KCNJ6: variants seen among roughly 807,000 people sequenced by gnomAD.
KCNJ6 encodes the protein G protein-activated inward rectifier potassium channel 2.
Under a neutral mutation model 34.2 loss-of-function variants are expected in KCNJ6, and 9 were observed. The observed-to-expected ratio is 0.26, with a 90% confidence interval of 0.16 to 0.46. The LOEUF is 0.46. Ranked by LOEUF, KCNJ6 falls within the 20% of genes least tolerant of loss-of-function variation. The pLI is 1.00. For missense variants in KCNJ6, 236 were observed against 531.3 expected (o/e 0.44, Z 5.46); for synonymous variants, 196 against 207.1 (o/e 0.95, Z 0.46).
chr21:37,613,269 T>C lies in KCNJ6; in HGVS notation c.*11890A>G, dbSNP rs1783019316. 1 of 152,162 alleles carries C rather than the reference T, an allele frequency of 6.6e-6. No homozygotes were observed. The highest frequency in any genetic ancestry group is 2.4e-5 in the African/African-American group (1 of 41,444). The allele number at this position is 152,162 out of a possible 1,614,324, so 9.4% of individuals were successfully genotyped here. The stretch of plus-strand genomic sequence containing the variant: ...CGTACATCTTTTAGAATGGCCCAAA[T>C]GCAGATCATTGACAACACTAAATGC... On this transcript the variant is annotated 3_prime_UTR_variant, in exon 4 of 4. Coordinates refer to ENST00000609713, the MANE Select transcript of KCNJ6 (RefSeq NM_002240.5).
At chr21:37,698,412 C>T (rs1200844912) in intron 3 of KCNJ6, among the ~76,000 whole-genome samples, 1 of 152,178 alleles carries the variant, frequency 6.6e-6, no homozygotes, top group East Asian at 1.9e-4. Flanking sequence ...GGGAGGGGGG[C>T]TCATGGTCTT....
chr21:37,847,705 G>A lies in KCNJ6; in HGVS notation c.-27-6996C>T, dbSNP rs763010449. On this transcript the variant is annotated intron_variant, in intron 1 of 3. Transcript: ENST00000609713. ...CACCAGAAGGGTTCTACAGGACATCGATAGAAAGAGGAACAGAGGGAGCAA... is the reference window on the plus strand; with the variant it reads ...CACCAGAAGGGTTCTACAGGACATCAATAGAAAGAGGAACAGAGGGAGCAA... 4.7e-5 allele frequency among the ~76,000 whole-genome samples: 7 copies of A among 150,344 alleles called. No individual in the cohort carries two copies. The South Asian group carries it at 1.3e-3, about 27-fold the overall frequency.
intron 2 of KCNJ6, among the ~76,000 whole-genome samples, chr21:37,742,864 T>C (rs2054948047): frequency 6.6e-6 from 1 of 152,240 alleles, no homozygotes; most frequent in Admixed American, 6.5e-5. Flanking sequence ...ATGTGTCCTC[T>C]TCTTCCAAAC....
rs16995496 is a variant in KCNJ6, at chr21:37,785,079, C to T, written c.25+55579G>A. On this transcript the variant is annotated intron_variant, in intron 2 of 3. Coordinates refer to ENST00000609713, the MANE Select transcript of KCNJ6 (RefSeq NM_002240.5). ...GGGACCTCAGGTCACTGCAGAGCCT[C>T]GGGAGCTGCACAACAGCTGACAGGA... is the stretch of plus-strand genomic sequence containing the variant. Among the ~76,000 whole-genome samples the T allele has an allele frequency of 2.2e-3, 335 of 152,228 alleles. 3 individuals carry two copies. Among genetic ancestry groups the T allele is most frequent in the African/African-American group, 7.7e-3 (320 of 41,506 alleles).
At chr21:37,639,939 C>T (rs1001544324) in intron 3 of KCNJ6, among the ~76,000 whole-genome samples, 8 of 152,178 alleles carry the variant, frequency 5.3e-5, no homozygotes, top group Non-Finnish European at 8.8e-5. Flanking sequence ...TGGGGCTTCC[C>T]CAGAATCTGA....
chr21:37,791,709 G>A (rs1256166461), intron 2 of KCNJ6, among the ~76,000 whole-genome samples: 1 of 152,172 alleles, frequency 6.6e-6, no homozygotes, highest in East Asian at 1.9e-4. Flanking sequence ...GGTGGCAGGT[G>A]AATAAAATAT....
At chr21:37,904,432 T>C (rs915600324) in intron 1 of KCNJ6, among the ~76,000 whole-genome samples, 3 of 152,192 alleles carry the variant, frequency 2.0e-5, no homozygotes, top group Non-Finnish European at 4.4e-5. Flanking sequence ...TAAAATTCAT[T>C]GACAGCAAAG....
At position 37,841,656 on chromosome 21, in the gene KCNJ6, A is replaced by G. The variant is rs17815147; in HGVS notation, c.-27-947T>C. Among the ~76,000 whole-genome samples, 942 of 152,354 alleles carry G rather than the reference A, an allele frequency of 6.2e-3. 5 individuals carry two copies. Among genetic ancestry groups the G allele is most frequent in the Middle Eastern group, 0.014 (4 of 294 alleles). The stretch of plus-strand genomic sequence containing the variant: ...GGAATATGATCCTATCTTCATAGAG[A>G]TAAATATGTCATATACACATTTTGT... On this transcript the variant is annotated intron_variant, in intron 1 of 3. Transcript: ENST00000609713.
At chr21:37,782,678 C>T (rs1244582920) in intron 2 of KCNJ6, among the ~76,000 whole-genome samples, 1 of 152,166 alleles carries the variant, frequency 6.6e-6, no homozygotes, top group African/African-American at 2.4e-5. Flanking sequence ...CTAACTTTAT[C>T]AAGGAAGAAG....
chr21:37,811,895 C>A (rs1011589012), intron 2 of KCNJ6, among the ~76,000 whole-genome samples: 1 of 152,122 alleles, frequency 6.6e-6, no homozygotes, highest in African/African-American at 2.4e-5. Context: ...ACATGGGAAA[C>A]ACACCAGAAG....
chr21:37,709,091 T>C (rs2054736183), intron 3 of KCNJ6, among the ~76,000 whole-genome samples: 1 of 152,226 alleles, frequency 6.6e-6, no homozygotes, highest in Non-Finnish European at 1.5e-5. Flanking sequence ...AAAATTCATG[T>C]CAATGTCTAC....
chr21:37,629,454 A>T lies in KCNJ6; in HGVS notation c.947-3970T>A, dbSNP rs1249537115. 2.0e-5 allele frequency among the ~76,000 whole-genome samples: 3 copies of T among 152,266 alleles called. No individual in the cohort carries two copies. In the East Asian group the frequency reaches 5.8e-4, roughly 29 times the overall value. On this transcript the variant is annotated intron_variant, in intron 3 of 3. Coordinates refer to ENST00000609713, the MANE Select transcript of KCNJ6 (RefSeq NM_002240.5). ...CTAATCTCCGGTATTTCAGAATGTG[A>T]CATGTTTGAGATGGGATCTTTAAAG... is the stretch of plus-strand genomic sequence containing the variant.
intron 3 of KCNJ6, among the ~76,000 whole-genome samples, chr21:37,629,857 G>C (rs1254804604): frequency 6.6e-6 from 1 of 152,162 alleles, no homozygotes; most frequent in African/African-American, 2.4e-5. Context: ...TTAAGTAAAT[G>C]CTCATGGATG....
chr21:37,842,544 T>C (rs968453808), intron 1 of KCNJ6, among the ~76,000 whole-genome samples: 4 of 152,202 alleles, frequency 2.6e-5, no homozygotes, highest in South Asian at 2.1e-4. Flanking sequence ...AACTAATAAT[T>C]GCCCTTGAGA....
At chr21:37,639,691 A>G (rs925699360) in intron 3 of KCNJ6, among the ~76,000 whole-genome samples, 11 of 152,158 alleles carry the variant, frequency 7.2e-5, no homozygotes, top group Admixed American at 5.9e-4. Context: ...GATCCTTGAT[A>G]TGGTTTGGAT....
rs1295051022 is a variant in KCNJ6 at position 37,859,518 on chromosome 21, TATATATATATATAA to T, written c.-27-18823_-27-18810del. Among the ~76,000 whole-genome samples the T allele has an allele frequency of 3.2e-3, 187 of 58,684 alleles. 12 individuals are homozygous for T. The highest frequency in any genetic ancestry group is 6.5e-3 in the African/African-American group (109 of 16,840). 38.5% of individuals were successfully genotyped at this position (58,684 alleles called of 152,430 possible). ...ATATATATATATATATATATATATATATATATATATATAAAATACTTAAAAAGCTCTACAGATGA... is the reference window on the plus strand; with the variant it reads ...ATATATATATATATATATATATATATAATACTTAAAAAGCTCTACAGATGA... On this transcript the variant is annotated intron_variant, in intron 1 of 3. Coordinates refer to ENST00000609713, the MANE Select transcript of KCNJ6 (RefSeq NM_002240.5).
chr21:37,667,679 G>A (rs1366692307), intron 3 of KCNJ6, among the ~76,000 whole-genome samples: 3 of 151,814 alleles, frequency 2.0e-5, no homozygotes, highest in African/African-American at 7.3e-5. Flanking sequence ...CCGGGGTAGC[G>A]GGCTCCGGGG....
chr21:37,798,857 C>T (rs1031087302), intron 2 of KCNJ6, among the ~76,000 whole-genome samples: 3 of 152,190 alleles, frequency 2.0e-5, no homozygotes, highest in South Asian at 2.1e-4. Flanking sequence ...TTTGAATACA[C>T]CTAAACCACT....
chr21:37,809,088 C>T (rs1402644213), intron 2 of KCNJ6, among the ~76,000 whole-genome samples: 3 of 152,126 alleles, frequency 2.0e-5, no homozygotes, highest in Admixed American at 6.6e-5. Context: ...ATGTTTATTG[C>T]GGCACTATTC....
Sources: allele counts gnomAD v4.1 joint callset (sites outside exome capture counted in the v4.1 genomes callset), GRCh38; gene constraint gnomAD v4.1.1; transcripts MANE v1.5; gene names NCBI Gene and HGNC (gene_info 2026-07-23, HGNC 2026-07-21).